CFAP47: variants seen among roughly 807,000 people sequenced by gnomAD.
CFAP47 encodes the protein cilia- and flagella-associated protein 47.
CFAP47 carries 29 observed loss-of-function variants against 148.1 expected under a neutral mutation model. That is an observed-to-expected ratio of 0.20 (90% CI 0.15 to 0.27). The LOEUF (loss-of-function observed/expected upper bound fraction) is 0.27. CFAP47 is among the 10% of genes least tolerant of loss of function. CFAP47 has a pLI of 1.00. For missense variants in CFAP47, 1,872 were observed against 1,697.5 expected (o/e 1.10, Z -1.81); for synonymous variants, 664 against 577.3 (o/e 1.15, Z -2.15).
At chrX:35,959,082 T>G (rs1005184167) in intron 8 of CFAP47, among the ~76,000 whole-genome samples, 4 of 112,556 alleles carry the variant, frequency 3.6e-5, no homozygotes, top group Non-Finnish European at 5.6e-5. Context: ...GCAGTCCTGC[T>G]GACACCTTGA....
In CFAP47 at chrX:36,089,400, A is replaced by G. The variant is rs188364581; in HGVS notation, c.4916+3862A>G. Among the ~76,000 whole-genome samples, 786 of 111,889 alleles carry G rather than the reference A, an allele frequency of 7.0e-3. 4 individuals are homozygous for G. Among genetic ancestry groups the G allele is most frequent in the Middle Eastern group, 0.023 (5 of 216 alleles). On this transcript the variant is annotated intron_variant, in intron 30 of 63. Transcript: ENST00000378653. ...ATAAAAAAAAGGAAAAAAAGAAAAT[A>G]AAAAATTAAAGTGTTATATCCTTCT... is the stretch of plus-strand genomic sequence containing the variant.
At chrX:36,333,289 A>G (rs974218807) in intron 57 of CFAP47, among the ~76,000 whole-genome samples, 6 of 110,465 alleles carry the variant, frequency 5.4e-5, no homozygotes, top group African/African-American at 2.0e-4. Context: ...ATTCAAACTC[A>G]TATTCTATCA....
At chrX:35,946,247 A>G (rs1459719344) in intron 3 of CFAP47, among the ~76,000 whole-genome samples, 1 of 111,982 alleles carries the variant, frequency 8.9e-6, no homozygotes, top group Non-Finnish European at 1.9e-5. Context: ...TTAAAAAGCC[A>G]AACAAATGGT....
In CFAP47 at chrX:36,236,762, C is replaced by T. The variant is rs138534041; in HGVS notation, c.7235C>T (p.Ser2412Leu). The T allele has an allele frequency of 1.9e-3, 974 of 523,378 alleles. 10 individuals are homozygous for T. In the African/African-American group the frequency reaches 0.019, roughly 10 times the overall value. 43.1% of individuals were successfully genotyped at this position (523,378 alleles called of 1,213,427 possible). Residue 2412 changes from serine to leucine, a missense_variant, in exon 48 of 64, where the codon TCG (serine) becomes TTG (leucine). Ser to Leu is a moderately radical substitution (Grantham distance 145). Coordinates refer to ENST00000378653, the MANE Select transcript of CFAP47 (RefSeq NM_001304548.2). ...FDIKGVGKKP[S>L]ALEHITVECQ... ...ATAAAAGGGGTTGGGAAAAAACCTT[C>T]GGCCTTGGAACACATCACTGTGGAA...
At chrX:36,031,780 T>G (rs747194289) in intron 23 of CFAP47, among the ~76,000 whole-genome samples, 16 of 107,506 alleles carry the variant, frequency 1.5e-4, no homozygotes, top group Non-Finnish European at 2.7e-4. Context: ...TGAGTTACTA[T>G]TTTTTCTTAA....
intron 56 of CFAP47, among the ~76,000 whole-genome samples, chrX:36,318,927 G>C (rs1175345360): frequency 9.0e-6 from 1 of 111,372 alleles, no homozygotes; most frequent in Non-Finnish European, 1.9e-5. Context: ...TCCTGCCTCA[G>C]ACTCCCCAGT....
intron 49 of CFAP47, among the ~76,000 whole-genome samples, chrX:36,266,363 G>A (rs1220894294): frequency 9.0e-6 from 1 of 111,096 alleles, no homozygotes; most frequent in Non-Finnish European, 1.9e-5. Context: ...ACACCAGAAG[G>A]AAGTACTTGG....
chrX:36,279,312 TAAG>T (rs1569307077), intron 49 of CFAP47, among the ~76,000 whole-genome samples: 1 of 111,865 alleles, frequency 8.9e-6, no homozygotes, highest in Non-Finnish European at 1.9e-5. Flanking sequence ...GCTCTCTCTC[TAAG>T]GAGACCACAC....
intron 26 of CFAP47, among the ~76,000 whole-genome samples, chrX:36,057,159 A>G (rs1248475491): frequency 1.8e-5 from 2 of 111,552 alleles, no homozygotes; most frequent in African/African-American, 6.5e-5. Context: ...ATCCATCCAT[A>G]CACTCATATT....
chrX:35,970,734 A>G, intron 10 of CFAP47, 34 bp from the exon 11 acceptor site: 1 of 1,088,389 alleles, frequency 9.2e-7, no homozygotes, highest in Admixed American at 3.0e-5. Context: ...AAATGCATAT[A>G]TAAAAATATT....
chrX:36,216,885 C>T (rs1382736628), intron 45 of CFAP47, among the ~76,000 whole-genome samples: 8 of 112,092 alleles, frequency 7.1e-5, no homozygotes, highest in Non-Finnish European at 5.6e-5. Context: ...GTGATGTTAT[C>T]TCCAGGAGCA....
intron 1 of CFAP47, among the ~76,000 whole-genome samples, chrX:35,924,216 C>T (rs1336902165): frequency 1.0e-5 from 1 of 99,972 alleles, no homozygotes; most frequent in East Asian, 3.1e-4. Context: ...TGTATGTGTG[C>T]ATGTATGTGT....
Position 36,146,766 on chromosome X carries a change from A to G in CFAP47, c.5670+1413A>G, listed in dbSNP as rs1163518012. 5.6e-5 allele frequency among the ~76,000 whole-genome samples: 6 copies of G among 107,273 alleles called. No individual in the cohort carries two copies. In the East Asian group the frequency reaches 1.7e-3, roughly 31 times the overall value. 93.2% of individuals were successfully genotyped at this position (107,273 alleles called of 115,157 possible). ...CCAGAAATGGCTACAAAATTGAGAA[A>G]GTATTTCTTTTCTTTTTTTTTTTTT... On this transcript the variant is annotated intron_variant, in intron 36 of 63. Coordinates refer to ENST00000378653, the MANE Select transcript of CFAP47 (RefSeq NM_001304548.2).
intron 29 of CFAP47, among the ~76,000 whole-genome samples, chrX:36,080,941 G>T (rs1742772055): frequency 9.0e-6 from 1 of 111,500 alleles, no homozygotes; most frequent in Non-Finnish European, 1.9e-5. Context: ...TAAAACAAAA[G>T]AAAAACTAGG....
At chrX:35,973,323 G>T (rs1039941705) in intron 13 of CFAP47, among the ~76,000 whole-genome samples, 2 of 110,421 alleles carry the variant, frequency 1.8e-5, no homozygotes, top group African/African-American at 6.6e-5. Flanking sequence ...CCGAGTAGCT[G>T]GGACTACAGG....
At chrX:36,335,177 C>T (rs887268947) in intron 57 of CFAP47, among the ~76,000 whole-genome samples, 2 of 110,979 alleles carry the variant, frequency 1.8e-5, no homozygotes, top group Non-Finnish European at 1.9e-5. Flanking sequence ...CTTTGTCCTT[C>T]GGTTTTACTT....
chrX:35,939,012 A>T (rs1935958740), intron 2 of CFAP47, among the ~76,000 whole-genome samples: 1 of 111,927 alleles, frequency 8.9e-6, no homozygotes, highest in Non-Finnish European at 1.9e-5. Flanking sequence ...AGAAAAGATG[A>T]CATCTATTTC....
rs765765314 is a variant in CFAP47 at position 36,030,429 on chromosome X, CT to C, written c.3557-818del. On this transcript the variant is annotated intron_variant, in intron 22 of 63. Coordinates refer to ENST00000378653, the MANE Select transcript of CFAP47 (RefSeq NM_001304548.2). ...TGGAAATACAATATTACATGTGCCA[CT>C]TTTTTATATATCTGTGGTAACATTG... is the stretch of plus-strand genomic sequence containing the variant. Among the ~76,000 whole-genome samples, 585 of 110,892 alleles carry C rather than the reference CT, an allele frequency of 5.3e-3. 6 individuals carry two copies. Among genetic ancestry groups the C allele is most frequent in the African/African-American group, 0.018 (561 of 30,681 alleles).
At chrX:36,161,905 C>T (rs1477736671) in intron 39 of CFAP47, among the ~76,000 whole-genome samples, 4 of 111,688 alleles carry the variant, frequency 3.6e-5, no homozygotes, top group Non-Finnish European at 7.5e-5. Flanking sequence ...TGATTTAGTG[C>T]AATTTTATTA....
Sources: gnomAD v4.1 joint callset for allele counts (sites outside exome capture counted in the v4.1 genomes callset) on GRCh38, gnomAD v4.1.1 for gene constraint, MANE v1.5 for transcripts, NCBI Gene and HGNC (gene_info 2026-07-23, HGNC 2026-07-21) for gene names.